The following ZNF84 variants were observed in gnomAD, a reference collection of about 807,000 sequenced individuals.
The protein encoded by ZNF84 is zinc finger protein 84, also known as zinc finger protein HPF2.
In ZNF84, 12 loss-of-function variants were observed where a neutral mutation model predicts 14.8. The observed-to-expected ratio is 0.81, with a 90% CI of 0.52 to 1.31. The LOEUF (loss-of-function observed/expected upper bound fraction) is 1.31. ZNF84 is among the 50% of genes most tolerant of loss of function. The pLI is 0.00. For missense variants in ZNF84, 859 were observed against 878.6 expected, an observed-to-expected ratio of 0.98 and a Z score of 0.28; for synonymous variants, 347 against 291.1, an observed-to-expected ratio of 1.19 and a Z score of -1.96.
intron 4 of ZNF84, among the ~76,000 whole-genome samples, chr12:133,055,306 A>G (rs1954134953): frequency 6.6e-6 from 1 of 152,142 alleles, no homozygotes. Context: ...GTTTCATTAT[A>G]TATATAATAG....
chr12:133,044,880 C>T (rs993817461), intron 2 of ZNF84, among the ~76,000 whole-genome samples: 18 of 151,750 alleles, frequency 1.2e-4, no homozygotes, highest in Middle Eastern at 3.4e-3. Context: ...CGCCACTGCA[C>T]TCCAGCCTGG....
At chr12:133,050,686 C>T in intron 4 of ZNF84, 1 of 396,470 alleles carries the variant, frequency 2.5e-6, no homozygotes, top group Non-Finnish European at 4.4e-6. Flanking sequence ...TAATCCTTTC[C>T]ATAGGAACTT....
Position 133,057,571 on chromosome 12 carries a change from A to G in ZNF84, c.856A>G (p.Thr286Ala). ...GCTCACATCCCATCAGCGGACACAT[A>G]CAGGAGAGAAACCTTATGAGTGTGG... Reference protein sequence around the residue: ...SQLTSHQRTHTGEKPYECGEC... With the variant: ...SQLTSHQRTHAGEKPYECGEC... The change falls in exon 5 of 5, where the codon ACA becomes GCA. Residue 286 changes from threonine (T) to alanine (A), a missense_variant. Transcript: ENST00000539354. 3 of 1,614,222 alleles carry G rather than the reference A, an allele frequency of 1.9e-6. No individual in the cohort carries two copies. Among genetic ancestry groups the G allele is most frequent in the Non-Finnish European group, 2.5e-6 (3 of 1,180,034 alleles).
chr12:133,062,001 A>G lies in ZNF84; in HGVS notation c.*3069A>G, dbSNP rs940787864. 1 of 152,190 alleles carries G rather than the reference A, an allele frequency of 6.6e-6. No homozygotes were observed. Among genetic ancestry groups the G allele is most frequent in the African/African-American group, 2.4e-5 (1 of 41,452 alleles). The allele number at this position is 152,190 out of a possible 1,614,324, so 9.4% of individuals were successfully genotyped here. ...TTCCTACCACAAATTCTACATCAAG[A>G]AGAAAGTTTTAAAGTTAGACTGGAT... On this transcript the variant is annotated 3_prime_UTR_variant, in exon 5 of 5. Coordinates refer to ENST00000539354, the MANE Select transcript of ZNF84 (RefSeq NM_001289971.2).
chr12:133,062,866 A>G lies in ZNF84; in HGVS notation c.*3934A>G, dbSNP rs1954287385. ...CTTGTAGTTCCTTGAGATTTCTATT[A>G]TCACTTATGTTTTTGCAAATCTGCA... On this transcript the variant is annotated 3_prime_UTR_variant, in exon 5 of 5. Transcript: ENST00000539354. 3 of 522,988 alleles carry G rather than the reference A, an allele frequency of 5.7e-6. No homozygotes were observed. Among genetic ancestry groups the G allele is most frequent in the African/African-American group, 3.8e-5 (2 of 52,978 alleles). 32.4% of individuals were successfully genotyped at this position (522,988 alleles called of 1,614,324 possible). A position where few individuals can be genotyped will look rare whatever the true frequency, so the allele number is the denominator to read the frequency against.
chr12:133,042,866 C>A (rs1393985343), intron 2 of ZNF84, among the ~76,000 whole-genome samples: 1 of 152,222 alleles, frequency 6.6e-6, no homozygotes, highest in Non-Finnish European at 1.5e-5. Context: ...GAAATCACCA[C>A]TCAGATCAGG....
chr12:133,051,396 G>A (rs1954066660), intron 4 of ZNF84, among the ~76,000 whole-genome samples: 1 of 152,106 alleles, frequency 6.6e-6, no homozygotes, highest in Admixed American at 6.5e-5. Flanking sequence ...ACAAATGGGG[G>A]CTGTGTGTCA....
chr12:133,042,019 T>C (rs1176505505), intron 2 of ZNF84, among the ~76,000 whole-genome samples: 2 of 152,344 alleles, frequency 1.3e-5, no homozygotes, highest in African/African-American at 2.4e-5. Flanking sequence ...AATTGCTTCC[T>C]GTTCTGAGTA....
chr12:133,039,737 T>C (rs1380743608), intron 1 of ZNF84, among the ~76,000 whole-genome samples: 2 of 152,184 alleles, frequency 1.3e-5, no homozygotes, highest in Non-Finnish European at 2.9e-5. Context: ...TTCACCATTT[T>C]AGCAAGTACA....
At chr12:133,050,099 G>A (rs896254688) in intron 4 of ZNF84, among the ~76,000 whole-genome samples, 7 of 152,310 alleles carry the variant, frequency 4.6e-5, no homozygotes, top group Non-Finnish European at 7.4e-5. Context: ...GTGAGTGTAA[G>A]AACTTATTGG....
At position 133,057,273 on chromosome 12, in the gene ZNF84, A is replaced by G. The variant is rs1954175981; in HGVS notation, c.558A>G (p.Lys186=). 3 of 1,613,794 alleles carry G rather than the reference A, an allele frequency of 1.9e-6. No homozygotes were observed. Among genetic ancestry groups the G allele is most frequent in the Non-Finnish European group, 2.5e-6 (3 of 1,179,936 alleles). The change falls in exon 5 of 5, where the codon AAA becomes AAG. Residue 186 remains lysine, a synonymous_variant. Coordinates refer to ENST00000539354, the MANE Select transcript of ZNF84 (RefSeq NM_001289971.2). ...WLKYYDCDKY[K]ESYKKSQIII... is the part of the protein sequence containing the mutation. ...AATACTATGACTGTGATAAATATAA[A>G]GAGAGCTATAAAAAGTCACAGATTA...
At chr12:133,039,444 TAGC>T (rs1426191147) in intron 1 of ZNF84, among the ~76,000 whole-genome samples, 1 of 152,232 alleles carries the variant, frequency 6.6e-6, no homozygotes, top group Non-Finnish European at 1.5e-5. Context: ...GCTTTGAACA[TAGC>T]AGGATAGAGA....
intron 1 of ZNF84, chr12:133,041,001 A>G (rs2178072): frequency 0.027 from 4,332 of 159,146 alleles, 112 homozygotes; most frequent in Non-Finnish European, 0.035. Flanking sequence ...GTTTTTCCTA[A>G]CAGCACCTGT....
At chr12:133,043,962 C>T (rs1953933095) in intron 2 of ZNF84, among the ~76,000 whole-genome samples, 1 of 150,822 alleles carries the variant, frequency 6.6e-6, no homozygotes, top group Admixed American at 6.6e-5. Flanking sequence ...TGGGGTTTCA[C>T]CATATTGGTT....
chr12:133,048,230 A>G (rs1005085289), intron 3 of ZNF84, 149 bp downstream of exon 3: 3 of 664,852 alleles, frequency 4.5e-6, no homozygotes, highest in Admixed American at 2.7e-5. Flanking sequence ...TGCTTGGACT[A>G]TGACACCAAG....
In ZNF84 at chr12:133,062,765, T is replaced by C. The variant is rs656865; in HGVS notation, c.*3833T>C. 0.94 allele frequency: 276,955 copies of C among 295,530 alleles called. 130,283 individuals are homozygous for C. Among genetic ancestry groups the C allele is most frequent in the East Asian group, 1 (15,737 of 15,752 alleles). The allele number at this position is 295,530 out of a possible 1,614,324, so 18.3% of individuals were successfully genotyped here. On this transcript the variant is annotated 3_prime_UTR_variant, in exon 5 of 5. Coordinates refer to ENST00000539354, the MANE Select transcript of ZNF84 (RefSeq NM_001289971.2). ...CTTATGGTATGTAAGGACTTTTGTA[T>C]AAACCAATGCCTATCTATCTATCAT...
At position 133,061,000 on chromosome 12, in the gene ZNF84, A is replaced by G. The variant is rs1163757981; in HGVS notation, c.*2068A>G. 1.3e-5 allele frequency: 2 copies of G among 152,176 alleles called. No individual in the cohort carries two copies. The highest frequency in any genetic ancestry group is 4.8e-5 in the African/African-American group (2 of 41,440). 9.4% of individuals were successfully genotyped at this position (152,176 alleles called of 1,614,324 possible). On this transcript the variant is annotated 3_prime_UTR_variant, in exon 5 of 5. Coordinates refer to ENST00000539354, the MANE Select transcript of ZNF84 (RefSeq NM_001289971.2). ...ATGGTATTTTGCACCTTTACCTTAA[A>G]CAATATTTTCTCCTTTAATTATTGA...
intron 4 of ZNF84, among the ~76,000 whole-genome samples, chr12:133,051,685 A>G (rs1227915651): frequency 1.8e-4 from 28 of 152,180 alleles, no homozygotes; most frequent in African/African-American, 6.5e-4. Flanking sequence ...TAAGTGCCCA[A>G]GGTCTTTACT....
In ZNF84 at chr12:133,062,774, GC is replaced by G; in HGVS notation, c.*3844del. ...TGTAAGGACTTTTGTATAAACCAAT[GC>G]CTATCTATCTATCATTTCTGAAAAC... On this transcript the variant is annotated 3_prime_UTR_variant, in exon 5 of 5. Coordinates refer to ENST00000539354, the MANE Select transcript of ZNF84 (RefSeq NM_001289971.2). 1 of 336,036 alleles carries G rather than the reference GC, an allele frequency of 3.0e-6. No homozygotes were observed. Among genetic ancestry groups the G allele is most frequent in the Non-Finnish European group, 5.5e-6 (1 of 181,818 alleles). 20.8% of individuals were successfully genotyped at this position (336,036 alleles called of 1,614,324 possible).
Sources: gnomAD v4.1 joint callset for allele counts (sites outside exome capture counted in the v4.1 genomes callset) on GRCh38, gnomAD v4.1.1 for gene constraint, MANE v1.5 for transcripts, NCBI Gene and HGNC (gene_info 2026-07-23, HGNC 2026-07-21) for gene names.